The following SLC6A19 variants were observed in gnomAD, a reference collection of about 807,000 sequenced individuals.
The protein encoded by SLC6A19 is solute carrier family 6 member 19.
SLC6A19 carries 67 observed loss-of-function variants against 68.3 expected under a neutral mutation model. The observed-to-expected ratio is 0.98, with a 90% CI of 0.81 to 1.20. The LOEUF (loss-of-function observed/expected upper bound fraction) is 1.20. Among genes scored for constraint, SLC6A19 ranks in the 50% most tolerant of loss-of-function variants. The probability of loss-of-function intolerance (pLI) is 0.00; values close to 1 mark genes in which losing one functional copy is unlikely to be tolerated. For missense variants in SLC6A19, 813 were observed against 851.6 expected, an observed-to-expected ratio of 0.95 and a Z score of 0.56; for synonymous variants, 392 against 374.9, an observed-to-expected ratio of 1.05 and a Z score of -0.53.
intron 1 of SLC6A19, among the ~76,000 whole-genome samples, chr5:1,204,729 G>A (rs1036584328): frequency 2.0e-5 from 3 of 152,212 alleles, no homozygotes; most frequent in African/African-American, 7.2e-5. Context: ...GGTGGCGTGC[G>A]GGAGCCGGAG....
rs1746425745 is a variant in SLC6A19 at position 1,222,644 on chromosome 5, A to AGTGT, written c.*743_*746dup. The AGTGT allele has an allele frequency of 1.2e-5, 3 of 249,108 alleles. No individual in the cohort carries two copies. The South Asian group carries it at 5.2e-4, about 43-fold the overall frequency. The allele number at this position is 249,108 out of a possible 1,614,324, so 15.4% of individuals were successfully genotyped here. A position where few individuals can be genotyped will look rare whatever the true frequency, so the allele number is the denominator to read the frequency against. The stretch of plus-strand genomic sequence containing the variant: ...AGGCAGGTGTGCATTTGTGCATGCC[A>AGTGT]GTGTGTATGTATGTGCGCATATGGA... On this transcript the variant is annotated 3_prime_UTR_variant, in exon 12 of 12. Coordinates refer to ENST00000304460, the MANE Select transcript of SLC6A19 (RefSeq NM_001003841.3).
chr5:1,219,639 G>A lies in SLC6A19; in HGVS notation c.1513G>A (p.Val505Met), dbSNP rs745637612. 19 of 1,607,162 alleles carry A rather than the reference G, an allele frequency of 1.2e-5. No homozygotes were observed. In the South Asian group the frequency reaches 1.6e-4, roughly 14 times the overall value. Residue 505 changes from valine (V) to methionine (M), a missense_variant, in exon 10 of 12, where the codon GTG (valine) becomes ATG (methionine). Coordinates refer to ENST00000304460, the MANE Select transcript of SLC6A19 (RefSeq NM_001003841.3). The stretch of plus-strand genomic sequence containing the variant: ...CATCGCCTTCTGCGAGATGTTCTCT[G>A]TGGTCTACGTGTACGGTGTGGACAG... ...LIIAFCEMFS[V>M]VYVYGVDRFN... is the part of the protein sequence containing the mutation.
At chr5:1,218,413 G>C (rs1281329160) in intron 8 of SLC6A19, among the ~76,000 whole-genome samples, 1 of 152,208 alleles carries the variant, frequency 6.6e-6, no homozygotes, top group Admixed American at 6.5e-5. Flanking sequence ...TCTTGGTGAC[G>C]GTCTGGGACC....
chr5:1,210,765 G>T (rs1316572876), intron 3 of SLC6A19, among the ~76,000 whole-genome samples, 184 bp downstream of exon 3: 1 of 152,218 alleles, frequency 6.6e-6, no homozygotes, highest in South Asian at 2.1e-4. Context: ...TGTGTGGGGG[G>T]CGTGGTGGAG....
chr5:1,212,320 G>T lies in SLC6A19; in HGVS notation c.499G>T (p.Ala167Ser), dbSNP rs772410636. 3.1e-6 allele frequency: 5 copies of T among 1,613,374 alleles called. No individual in the cohort carries two copies. Among genetic ancestry groups the T allele is most frequent in the Admixed American group, 1.7e-5 (1 of 59,998 alleles). The change falls in exon 4 of 12, where the codon GCC (alanine) becomes TCC (serine). Residue 167 changes from alanine (A) to serine (S), a missense_variant. Coordinates refer to ENST00000304460, the MANE Select transcript of SLC6A19 (RefSeq NM_001003841.3). The surrounding 1 kb of genome is among the most constrained non-coding windows in gnomAD (Gnocchi z 5.1). ...CTCCCCAGGGTATGTGGACGAGTGC[G>T]CCAGGAGCTCCCCTGTGGACTACTT... ...ENQTGYVDEC[A>S]RSSPVDYFWY...
At position 1,213,518 on chromosome 5, in the gene SLC6A19, G is replaced by C. The variant is rs758492838; in HGVS notation, c.719G>C (p.Arg240Pro). 1.2e-6 allele frequency: 2 copies of C among 1,606,350 alleles called. No individual in the cohort carries two copies. The highest frequency in any genetic ancestry group is 1.4e-5 in the African/African-American group (1 of 72,856). ...PYVVLTIFLI[R>P]GLTLKGATNG... ...GTCGTCCTGACCATCTTCCTCATCC[G>C]AGGCCTGACGCTGAAGGGCGCCACC... The change falls in exon 5 of 12, where the codon CGA becomes CCA. Residue 240 changes from arginine to proline, a missense_variant. Arg to Pro is a moderately radical substitution (Grantham distance 103). Transcript: ENST00000304460.
At chr5:1,221,020 ATC>A in intron 10 of SLC6A19, 129 bp from the exon 11 acceptor site, 1 of 1,125,872 alleles carries the variant, frequency 8.9e-7, no homozygotes. Flanking sequence ...GGAGGGAGGG[ATC>A]GGGCCCTGGC....
In SLC6A19 at chr5:1,221,210, C is replaced by T. The variant is rs756098872; in HGVS notation, c.1598C>T (p.Thr533Met). ...GHKPNIFWQV[T>M]WRVVSPLLML... ...AAGCCCAACATCTTCTGGCAAGTCA[C>T]GTGGCGCGTGGTCAGCCCCCTGCTC... The change falls in exon 11 of 12, where the codon ACG (threonine) becomes ATG (methionine). Residue 533 changes from threonine to methionine, a missense_variant. Thr to Met is a moderately conservative substitution (Grantham distance 81). Coordinates refer to ENST00000304460, the MANE Select transcript of SLC6A19 (RefSeq NM_001003841.3). 40 of 1,614,024 alleles carry T rather than the reference C, an allele frequency of 2.5e-5. 1 individual carries two copies. The highest frequency in any genetic ancestry group is 4.5e-5 in the East Asian group (2 of 44,886).
At chr5:1,211,741 C>T (rs1746034369) in intron 3 of SLC6A19, among the ~76,000 whole-genome samples, 1 of 148,974 alleles carries the variant, frequency 6.7e-6, no homozygotes, top group Admixed American at 6.7e-5. Context: ...CGTGAGAGTA[C>T]AGTCACGCTT....
intron 5 of SLC6A19, 57 bp downstream of exon 5, chr5:1,213,630 G>C: frequency 6.7e-7 from 1 of 1,485,876 alleles, no homozygotes. Context: ...GCTGCCCTGT[G>C]CCCCCGCCAG....
chr5:1,217,014 C>T lies in SLC6A19; in HGVS notation c.1173+69C>T, dbSNP rs568091161. 8.1e-6 allele frequency: 13 copies of T among 1,605,664 alleles called. No individual in the cohort carries two copies. In the Admixed American group the frequency reaches 2.0e-4, roughly 25 times the overall value. On this transcript the variant is annotated intron_variant, in intron 8 of 11. Transcript: ENST00000304460. The stretch of plus-strand genomic sequence containing the variant: ...GCTGGCACCTCAGAGTCCGGCCACC[C>T]CTGGGCCCCTGGCCTGTGGAGGACG...
intron 1 of SLC6A19, 36 bp downstream of exon 1, chr5:1,201,888 G>C: frequency 6.3e-7 from 1 of 1,594,316 alleles, no homozygotes; most frequent in Non-Finnish European, 8.5e-7. Context: ...GCGAGGCCGT[G>C]GCCAGGGAAG....
chr5:1,210,375 C>T (rs1745990259), intron 2 of SLC6A19, 69 bp from the exon 3 acceptor site: 2 of 1,600,758 alleles, frequency 1.2e-6, no homozygotes, highest in South Asian at 1.1e-5. Flanking sequence ...ACCTCCTGCT[C>T]AGAGTGGGGA....
chr5:1,211,607 C>A (rs906160021), intron 3 of SLC6A19, among the ~76,000 whole-genome samples: 7 of 152,178 alleles, frequency 4.6e-5, no homozygotes, highest in African/African-American at 1.7e-4. Flanking sequence ...GATGTGTATG[C>A]AAGGGTACAG....
At chr5:1,208,372 C>A (rs1745913665) in intron 1 of SLC6A19, among the ~76,000 whole-genome samples, 1 of 152,004 alleles carries the variant, frequency 6.6e-6, no homozygotes, top group Admixed American at 6.5e-5. Flanking sequence ...AAAAGCAGCT[C>A]CTCCGTGGGA....
Position 1,221,268 on chromosome 5 carries a change from A to G in SLC6A19, c.1656A>G (p.Val552=). The change falls in exon 11 of 12, where the codon GTA becomes GTG. Residue 552 remains valine (V), a synonymous_variant. Transcript: ENST00000304460. ...MLIIFLFFFV[V]EVSQELTYSI... ...TCATCTTCCTCTTCTTCTTCGTGGTAGAGGTCAGTCAGGAGCTGACCTACA... is the reference window on the plus strand; with the variant it reads ...TCATCTTCCTCTTCTTCTTCGTGGTGGAGGTCAGTCAGGAGCTGACCTACA... 1 of 1,614,110 alleles carries G rather than the reference A, an allele frequency of 6.2e-7. No individual in the cohort carries two copies.
At position 1,213,567 on chromosome 5, in the gene SLC6A19, G is replaced by A. The variant is rs765531719; in HGVS notation, c.768G>A (p.Thr256=). ...CCAATGGCATCGTCTTCCTCTTCAC[G>A]CCCAACGTAAGTCCCCGAGGCTGCC... ...GATNGIVFLF[T]PNVTELAQPD... is the part of the protein sequence containing the mutation. The change falls in exon 5 of 12, where the codon ACG becomes ACA. Residue 256 remains threonine (T), a synonymous_variant. Transcript: ENST00000304460. The A allele has an allele frequency of 2.6e-5, 42 of 1,611,372 alleles. No individual in the cohort carries two copies. The highest frequency in any genetic ancestry group is 5.4e-5 in the African/African-American group (4 of 74,412).
In SLC6A19 at chr5:1,214,818, C is replaced by T. The variant is rs533764262; in HGVS notation, c.887+753C>T. ...GGACCCTCAGTGCAAGGGGGCAGGGCCTGGGTAGGGAGGGTGGGGCCTAGA... is the reference window on the plus strand; with the variant it reads ...GGACCCTCAGTGCAAGGGGGCAGGGTCTGGGTAGGGAGGGTGGGGCCTAGA... On this transcript the variant is annotated intron_variant, in intron 6 of 11. Coordinates refer to ENST00000304460, the MANE Select transcript of SLC6A19 (RefSeq NM_001003841.3). The surrounding 1 kb of genome is among the most constrained non-coding windows in gnomAD (Gnocchi z 7.4). Among the ~76,000 whole-genome samples the T allele has an allele frequency of 1.9e-4, 25 of 133,126 alleles. No homozygotes were observed. Among genetic ancestry groups the T allele is most frequent in the Non-Finnish European group, 3.3e-4 (20 of 61,476 alleles). 87.3% of individuals were successfully genotyped at this position (133,126 alleles called of 152,430 possible).
Position 1,222,208 on chromosome 5 carries a change from TA to T in SLC6A19, c.*305del. 5.1e-6 allele frequency: 3 copies of T among 589,792 alleles called. No homozygotes were observed. The East Asian group carries it at 8.3e-5, about 16-fold the overall frequency. 36.5% of individuals were successfully genotyped at this position (589,792 alleles called of 1,614,324 possible). A position where few individuals can be genotyped will look rare whatever the true frequency, so the allele number is the denominator to read the frequency against. ...CATGTTGTGTGTGTGCATGTACATG[TA>T]TGGACATTGTGTGAGTGTGCAAGTG... On this transcript the variant is annotated 3_prime_UTR_variant, in exon 12 of 12. Coordinates refer to ENST00000304460, the MANE Select transcript of SLC6A19 (RefSeq NM_001003841.3).
Sources: allele counts gnomAD v4.1 joint callset (sites outside exome capture counted in the v4.1 genomes callset), GRCh38; gene constraint gnomAD v4.1.1; non-coding constraint Gnocchi (gnomAD v3.1); transcripts MANE v1.5; gene names NCBI Gene and HGNC (gene_info 2026-07-23, HGNC 2026-07-21).